The following PRKCQ variants were observed in gnomAD, a reference collection of about 807,000 sequenced individuals.
PRKCQ encodes protein kinase C theta type.
A neutral mutation model predicts 91.2 loss-of-function variants in PRKCQ; 41 were observed. The observed-to-expected ratio is 0.45, with a 90% CI of 0.35 to 0.58. The LOEUF is 0.58. Among genes scored for constraint, PRKCQ ranks in the 20% least tolerant of loss-of-function variants. The probability of loss-of-function intolerance (pLI) is 0.00; values close to 1 mark genes in which losing one functional copy is unlikely to be tolerated. For synonymous variants in PRKCQ, 307 were observed against 316.9 expected, an observed-to-expected ratio of 0.97 and a Z score of 0.33; for missense variants, 673 against 896.5, an observed-to-expected ratio of 0.75 and a Z score of 3.18.
At chr10:6,428,495 A>G in intron 17 of PRKCQ, 133 bp from the exon 18 acceptor site, 2 of 907,446 alleles carry the variant, frequency 2.2e-6, no homozygotes, top group Non-Finnish European at 3.4e-6. Flanking sequence ...AAATGGAGGC[A>G]ATGCCTACAG....
chr10:6,489,553 C>T (rs1368425529), intron 8 of PRKCQ: 2 of 476,444 alleles, frequency 4.2e-6, no homozygotes, highest in Non-Finnish European at 8.7e-6. Flanking sequence ...GAAAGGGAGG[C>T]AGAGAGGGAG....
At chr10:6,513,304 C>T (rs553481872) in intron 2 of PRKCQ, among the ~76,000 whole-genome samples, 1 of 151,984 alleles carries the variant, frequency 6.6e-6, no homozygotes, top group African/African-American at 2.4e-5. Flanking sequence ...CAGAACAAGC[C>T]CAAAATAAAA....
intron 1 of PRKCQ, among the ~76,000 whole-genome samples, chr10:6,537,121 C>G (rs992776675): frequency 4.6e-5 from 7 of 152,124 alleles, no homozygotes; most frequent in African/African-American, 1.4e-4. Context: ...CGGTTTGACT[C>G]CTCTTGTTGG....
chr10:6,514,850 A>T (rs956239307), intron 2 of PRKCQ, among the ~76,000 whole-genome samples, 168 bp downstream of exon 2: 13 of 152,182 alleles, frequency 8.5e-5, no homozygotes, highest in African/African-American at 2.9e-4. Flanking sequence ...CCATCACGAA[A>T]TGTGTGTCCA....
chr10:6,437,502 A>G (rs908430029), intron 16 of PRKCQ, among the ~76,000 whole-genome samples: 4 of 152,208 alleles, frequency 2.6e-5, no homozygotes, highest in African/African-American at 9.6e-5. Flanking sequence ...ATATCTTGTT[A>G]TGGAGCCCAA....
intron 2 of PRKCQ, among the ~76,000 whole-genome samples, chr10:6,512,938 G>A (rs1464882921): frequency 6.6e-6 from 1 of 152,054 alleles, no homozygotes; most frequent in Admixed American, 6.5e-5. Context: ...TAATGATCAC[G>A]GTAACATTTT....
the PRKCQ span, among the ~76,000 whole-genome samples, chr10:6,405,065 A>C: frequency 6.6e-6 from 1 of 151,800 alleles, no homozygotes; most frequent in Non-Finnish European, 1.5e-5. Context: ...AGCTCACTGC[A>C]ATCTCTGCCT....
intron 15 of PRKCQ, among the ~76,000 whole-genome samples, chr10:6,452,291 G>C (rs1177668334): frequency 3.9e-5 from 6 of 151,914 alleles, no homozygotes; most frequent in Non-Finnish European, 5.9e-5. Flanking sequence ...AACAGACAGA[G>C]AGCCAAATCT....
chr10:6,570,430 A>G (rs1227618551), intron 1 of PRKCQ, among the ~76,000 whole-genome samples: 2 of 152,114 alleles, frequency 1.3e-5, no homozygotes, highest in Non-Finnish European at 2.9e-5. Context: ...GGGGCCAGAA[A>G]TGAGGGAGAG....
chr10:6,561,661 A>T (rs1436815958), intron 1 of PRKCQ, among the ~76,000 whole-genome samples: 2 of 152,214 alleles, frequency 1.3e-5, no homozygotes, highest in African/African-American at 2.4e-5. Context: ...AAATTCTCAG[A>T]ACGGCTCCAT....
chr10:6,534,320 G>A (rs909455903), intron 1 of PRKCQ, among the ~76,000 whole-genome samples: 1 of 152,096 alleles, frequency 6.6e-6, no homozygotes, highest in African/African-American at 2.4e-5. Context: ...AACTAATTTT[G>A]TAGCAAAATC....
At chr10:6,517,165 G>A (rs777371578) in intron 1 of PRKCQ, among the ~76,000 whole-genome samples, 2 of 151,984 alleles carry the variant, frequency 1.3e-5, no homozygotes, top group Non-Finnish European at 2.9e-5. Context: ...TTTTACACCC[G>A]AACTACACAG....
chr10:6,453,011 G>A (rs1299287420), intron 15 of PRKCQ, among the ~76,000 whole-genome samples: 2 of 151,728 alleles, frequency 1.3e-5, no homozygotes, highest in Non-Finnish European at 1.5e-5. Context: ...ACATAGGCAT[G>A]GGCAAGGACT....
chr10:6,414,836 T>C, the PRKCQ span, among the ~76,000 whole-genome samples: 79 of 150,794 alleles, frequency 5.2e-4, 1 homozygote, highest in African/African-American at 1.9e-3. Context: ...CAATGAACTA[T>C]GGGATTACTT....
chr10:6,457,504 C>T (rs931499318), intron 14 of PRKCQ, among the ~76,000 whole-genome samples: 33 of 152,174 alleles, frequency 2.2e-4, no homozygotes, highest in Non-Finnish European at 3.8e-4. Flanking sequence ...TCAGGGACTT[C>T]GCTCCTCATG....
At chr10:6,478,764 C>T (rs140370728) in intron 12 of PRKCQ, among the ~76,000 whole-genome samples, 1 of 152,146 alleles carries the variant, frequency 6.6e-6, no homozygotes, top group Non-Finnish European at 1.5e-5. Context: ...AACAGGAAAA[C>T]AGACAAACAA....
At chr10:6,437,634 CACTA>C (rs891829424) in intron 16 of PRKCQ, among the ~76,000 whole-genome samples, 1 of 151,832 alleles carries the variant, frequency 6.6e-6, no homozygotes, top group African/African-American at 2.4e-5. Context: ...ATCCAGATCC[CACTA>C]ACTTATTATT....
intron 1 of PRKCQ, among the ~76,000 whole-genome samples, chr10:6,531,858 G>A (rs1370636293): frequency 6.6e-6 from 1 of 151,908 alleles, no homozygotes; most frequent in African/African-American, 2.4e-5. Context: ...TATTGATCTC[G>A]TGGTCTGCCC....
chr10:6,569,703 G>C (rs964277586), intron 1 of PRKCQ, among the ~76,000 whole-genome samples: 1 of 152,122 alleles, frequency 6.6e-6, no homozygotes, highest in African/African-American at 2.4e-5. Context: ...ATTGGTTTGG[G>C]GCAAGCTATG....
Sources: gnomAD v4.1 joint callset for allele counts (sites outside exome capture counted in the v4.1 genomes callset) on GRCh38, gnomAD v4.1.1 for gene constraint, MANE v1.5 for transcripts, NCBI Gene and HGNC (gene_info 2026-07-23, HGNC 2026-07-21) for gene names.